Variants in SOD2 observed in about 807,000 individuals in gnomAD.
SOD2 encodes the protein superoxide dismutase [Mn], mitochondrial.
Under a neutral mutation model 27.0 loss-of-function variants are expected in SOD2, and 11 were observed. The observed-to-expected ratio is 0.41, with a 90% CI of 0.26 to 0.67. The LOEUF (loss-of-function observed/expected upper bound fraction) is 0.67. SOD2 is among the 30% of genes least tolerant of loss of function. SOD2 has a pLI of 0.34. For missense variants in SOD2, 250 were observed against 274.5 expected, an observed-to-expected ratio of 0.91 and a Z score of 0.63; for synonymous variants, 105 against 103.0, an observed-to-expected ratio of 1.02 and a Z score of -0.12.
At chr6:159,737,160 A>G (rs1778971382) in intron 1 of SOD2, among the ~76,000 whole-genome samples, 1 of 151,892 alleles carries the variant, frequency 6.6e-6, no homozygotes, top group African/African-American at 2.4e-5. Flanking sequence ...CGATCATCCC[A>G]CCTCGGCCTC....
Position 159,681,345 on chromosome 6 carries a change from A to G in SOD2, c.*1148T>C, listed in dbSNP as rs1224619635. On this transcript the variant is annotated 3_prime_UTR_variant, in exon 5 of 5. Transcript: ENST00000538183. ...TTAGAGTCACCTAGAGACATCCTTA[A>G]CACGTGCCCCTGAGCTACTTTTCAG... The G allele has an allele frequency of 6.6e-6, 1 of 152,208 alleles. No individual in the cohort carries two copies. The highest frequency in any genetic ancestry group is 2.4e-5 in the African/African-American group (1 of 41,428). 9.4% of individuals were successfully genotyped at this position (152,208 alleles called of 1,614,324 possible).
intron 4 of SOD2, 93 bp from the exon 5 acceptor site, chr6:159,682,731 A>G: frequency 1.6e-6 from 2 of 1,245,532 alleles, no homozygotes; most frequent in Non-Finnish European, 2.2e-6. Flanking sequence ...CTACTCACAC[A>G]AAATTACCCT....
At chr6:159,734,980 A>T (rs546984892) in intron 1 of SOD2, among the ~76,000 whole-genome samples, 2 of 152,302 alleles carry the variant, frequency 1.3e-5, no homozygotes, top group South Asian at 4.1e-4. Flanking sequence ...AAAACAGCAT[A>T]ATAAAGTGTT....
intron 2 of SOD2, 35 bp downstream of exon 2, chr6:159,692,626 G>A (rs1243256136): frequency 1.2e-6 from 2 of 1,608,140 alleles, no homozygotes; most frequent in African/African-American, 1.3e-5. Context: ...CGCCTCTGCC[G>A]GGGACTGCCT....
chr6:159,695,766 G>A (rs114886162), upstream of SOD2, among the ~76,000 whole-genome samples: 778 of 152,204 alleles, frequency 5.1e-3, 12 homozygotes, highest in African/African-American at 0.018. Flanking sequence ...AAAGTTCTGG[G>A]ATCTATATAG....
intron 1 of SOD2, among the ~76,000 whole-genome samples, chr6:159,699,313 G>C (rs1777485499): frequency 6.6e-6 from 1 of 152,168 alleles, no homozygotes; most frequent in African/African-American, 2.4e-5. Context: ...GATGGCATTT[G>C]CTTTGTAGCC....
At chr6:159,710,041 C>T (rs1173047702) in intron 1 of SOD2, among the ~76,000 whole-genome samples, 2 of 143,320 alleles carry the variant, frequency 1.4e-5, no homozygotes, top group Non-Finnish European at 3.0e-5. Context: ...ACCACATGTT[C>T]TCACTCATAG....
intron 1 of SOD2, among the ~76,000 whole-genome samples, chr6:159,701,683 A>G (rs1438364079): frequency 6.6e-6 from 1 of 152,168 alleles, no homozygotes; most frequent in East Asian, 1.9e-4. Flanking sequence ...ATATCACTTC[A>G]TGATCTCATC....
intron 3 of SOD2, 45 bp from the exon 4 acceptor site, chr6:159,685,078 CAAT>C (rs1250795583): frequency 1.4e-6 from 2 of 1,435,978 alleles, no homozygotes. Flanking sequence ...GAACAGATTT[CAAT>C]AATTACAGTA....
chr6:159,718,721 T>TA (rs2114834880), intron 1 of SOD2, among the ~76,000 whole-genome samples: 1 of 152,334 alleles, frequency 6.6e-6, no homozygotes, highest in South Asian at 2.1e-4. Context: ...TCCCTATCTG[T>TA]AAAACCACAA....
At chr6:159,762,271 G>A in exon 1 of SOD2, 1 of 1,316,304 alleles carries the variant, frequency 7.6e-7, no homozygotes, top group Non-Finnish European at 1.0e-6. Flanking sequence ...GCGAGGAGCC[G>A]CGGGATCCCT....
upstream of SOD2, among the ~76,000 whole-genome samples, chr6:159,698,217 G>A (rs983662053): frequency 2.0e-4 from 31 of 152,260 alleles, no homozygotes; most frequent in Admixed American, 8.5e-4. Flanking sequence ...CAGCTGCAGT[G>A]AGCTGAGATC....
At chr6:159,698,306 CA>C (rs1199356713) in intron 1 of SOD2, among the ~76,000 whole-genome samples, 1 of 147,852 alleles carries the variant, frequency 6.8e-6, no homozygotes, top group Non-Finnish European at 1.5e-5. Context: ...AAAAACAAAA[CA>C]AAAAAAACAC....
At chr6:159,752,256 T>A (rs1489443647) in intron 1 of SOD2, among the ~76,000 whole-genome samples, 1 of 152,196 alleles carries the variant, frequency 6.6e-6, no homozygotes, top group African/African-American at 2.4e-5. Context: ...CATCCTGGAC[T>A]TACCCCAAGG....
intron 1 of SOD2, among the ~76,000 whole-genome samples, chr6:159,698,697 G>A (rs1308619230): frequency 6.6e-6 from 1 of 150,752 alleles, no homozygotes. Flanking sequence ...GCTGTTGACC[G>A]GCAATAACAT....
At chr6:159,743,622 T>C (rs752924029) in intron 1 of SOD2, 1 of 1,548,896 alleles carries the variant, frequency 6.5e-7, no homozygotes, top group Non-Finnish European at 8.7e-7. Flanking sequence ...TATTTAGAAC[T>C]TGATCTTAAA....
At chr6:159,696,042 A>G (rs1777416642), upstream of SOD2, among the ~76,000 whole-genome samples, 1 of 152,226 alleles carries the variant, frequency 6.6e-6, no homozygotes, top group Non-Finnish European at 1.5e-5. Flanking sequence ...GTTGAGATGA[A>G]GTCATTTTGA....
chr6:159,726,328 T>C (rs1216109173), intron 1 of SOD2: 1 of 154,222 alleles, frequency 6.5e-6, no homozygotes, highest in Non-Finnish European at 1.4e-5. Flanking sequence ...TTTTCAATTT[T>C]TGAGAGCTCT....
At chr6:159,738,980 C>G in intron 1 of SOD2, 1 of 1,603,510 alleles carries the variant, frequency 6.2e-7, no homozygotes, top group East Asian at 2.2e-5. Flanking sequence ...TATTGTAATT[C>G]TCTTTATAGG....
Sources: gnomAD v4.1 joint callset for allele counts (sites outside exome capture counted in the v4.1 genomes callset) on GRCh38, gnomAD v4.1.1 for gene constraint, MANE v1.5 for transcripts, NCBI Gene and HGNC (gene_info 2026-07-23, HGNC 2026-07-21) for gene names.